The following COMMD10 variants were observed in gnomAD, a reference collection of about 807,000 sequenced individuals.
COMMD10 encodes COMM domain containing 10.
In COMMD10, 33 loss-of-function variants were observed where a neutral mutation model predicts 28.9. The ratio of observed to expected loss-of-function variants is 1.14; its 90% CI spans 0.87 to 1.53. COMMD10 has a LOEUF of 1.53. COMMD10 is among the 40% of genes most tolerant of loss of function. COMMD10 has a pLI of 0.00. For missense variants in COMMD10, 310 were observed against 233.4 expected, an observed-to-expected ratio of 1.33 and a Z score of -2.14; for synonymous variants, 110 against 81.7, an observed-to-expected ratio of 1.35 and a Z score of -1.87.
At position 116,261,147 on chromosome 5, in the gene COMMD10, A is replaced by T. The variant is rs569649182; in HGVS notation, c.511-30370A>T. On this transcript the variant is annotated intron_variant, in intron 5 of 6. Transcript: ENST00000274458. ...AAACTGAGTAAAAACATATTTCAGGAAGAAAACTATAACTAATTAAATTTC... is the reference window on the plus strand; with the variant it reads ...AAACTGAGTAAAAACATATTTCAGGTAGAAAACTATAACTAATTAAATTTC... Among the ~76,000 whole-genome samples the T allele has an allele frequency of 8.9e-4, 135 of 151,938 alleles. 4 individuals carry two copies. Among genetic ancestry groups the T allele is most frequent in the African/African-American group, 3.0e-3 (124 of 41,314 alleles).
At chr5:116,224,798 G>T (rs1749350745) in intron 5 of COMMD10, among the ~76,000 whole-genome samples, 1 of 152,144 alleles carries the variant, frequency 6.6e-6, no homozygotes, top group Non-Finnish European at 1.5e-5. Context: ...TTTGTTGATT[G>T]AATTAATACT....
chr5:116,112,390 A>G (rs2112738550), intron 4 of COMMD10, among the ~76,000 whole-genome samples: 1 of 152,008 alleles, frequency 6.6e-6, no homozygotes, highest in Admixed American at 6.6e-5. Flanking sequence ...TAAATAGCAT[A>G]TAGTTGATTT....
chr5:116,114,571 C>T (rs936308314), intron 4 of COMMD10, among the ~76,000 whole-genome samples: 2 of 152,118 alleles, frequency 1.3e-5, no homozygotes, highest in Non-Finnish European at 2.9e-5. Context: ...AGTCCAGATC[C>T]TGCATTGTGT....
intron 5 of COMMD10, among the ~76,000 whole-genome samples, chr5:116,156,709 G>T (rs1324188939): frequency 6.6e-6 from 1 of 152,066 alleles, no homozygotes; most frequent in South Asian, 2.1e-4. Context: ...ACCCCCTCAA[G>T]TTAGAAGAAG....
intron 5 of COMMD10, among the ~76,000 whole-genome samples, chr5:116,179,434 T>A (rs1747868554): frequency 6.6e-6 from 1 of 152,120 alleles, no homozygotes; most frequent in Non-Finnish European, 1.5e-5. Flanking sequence ...CCTGGTACTC[T>A]TTCCATTCGT....
intron 5 of COMMD10, among the ~76,000 whole-genome samples, chr5:116,283,827 C>T (rs1172367469): frequency 6.6e-6 from 1 of 151,678 alleles, no homozygotes; most frequent in Non-Finnish European, 1.5e-5. Flanking sequence ...TGAAAGAATT[C>T]CTGTTACAAT....
At chr5:116,280,892 C>T (rs1392676424) in intron 5 of COMMD10, among the ~76,000 whole-genome samples, 2 of 151,798 alleles carry the variant, frequency 1.3e-5, no homozygotes, top group African/African-American at 4.9e-5. Context: ...TTCAGTAAGA[C>T]TTGAAATATT....
intron 4 of COMMD10, among the ~76,000 whole-genome samples, chr5:116,127,954 A>G (rs1398669304): frequency 2.6e-5 from 4 of 152,088 alleles, no homozygotes; most frequent in African/African-American, 9.7e-5. Flanking sequence ...GGTGGGAAAC[A>G]TAACAGATTA....
chr5:116,085,411 C>G, intron 1 of COMMD10: 1 of 397,562 alleles, frequency 2.5e-6, no homozygotes, highest in Admixed American at 4.5e-5. Context: ...TTCCCGGGTG[C>G]TGCCTTCAGT....
chr5:116,202,679 G>A (rs1436909312), intron 5 of COMMD10, among the ~76,000 whole-genome samples: 4 of 151,752 alleles, frequency 2.6e-5, no homozygotes, highest in Non-Finnish European at 5.9e-5. Flanking sequence ...CTGCATCAGT[G>A]TCTTCTTTTG....
intron 5 of COMMD10, among the ~76,000 whole-genome samples, chr5:116,214,700 A>G (rs763154942): frequency 1.2e-4 from 19 of 152,112 alleles, no homozygotes; most frequent in Non-Finnish European, 2.2e-4. Flanking sequence ...TTTTTCATTT[A>G]TCTGCGGTTA....
chr5:116,168,046 A>T (rs1341209870), intron 5 of COMMD10, among the ~76,000 whole-genome samples: 1 of 151,802 alleles, frequency 6.6e-6, no homozygotes, highest in Non-Finnish European at 1.5e-5. Context: ...GGTAAATTGG[A>T]TAGAGTCAAG....
At chr5:116,284,215 G>A (rs1751156874) in intron 5 of COMMD10, among the ~76,000 whole-genome samples, 1 of 151,806 alleles carries the variant, frequency 6.6e-6, no homozygotes, top group African/African-American at 2.4e-5. Flanking sequence ...TGCATTATAT[G>A]AAAATATCCT....
chr5:116,235,594 C>T (rs778767942), intron 5 of COMMD10, among the ~76,000 whole-genome samples: 4 of 152,044 alleles, frequency 2.6e-5, no homozygotes, highest in Non-Finnish European at 5.9e-5. Context: ...TATCTGTTTG[C>T]TTTCATATTT....
chr5:116,167,403 C>A (rs1426161970), intron 5 of COMMD10, among the ~76,000 whole-genome samples: 1 of 152,084 alleles, frequency 6.6e-6, no homozygotes, highest in African/African-American at 2.4e-5. Flanking sequence ...AGAATGGAAC[C>A]AAGTTGGAAA....
At chr5:116,251,266 TTTTATTTATTTATTTA>T (rs139799729) in intron 5 of COMMD10, among the ~76,000 whole-genome samples, 24 of 138,172 alleles carry the variant, frequency 1.7e-4, no homozygotes, top group Admixed American at 4.9e-4. Context: ...ACTCTTTTCT[TTTTATTTATTTATTTA>T]TTTATTTATT....
intron 5 of COMMD10, among the ~76,000 whole-genome samples, chr5:116,273,133 A>G (rs1034217192): frequency 6.6e-6 from 1 of 151,862 alleles, no homozygotes; most frequent in African/African-American, 2.4e-5. Flanking sequence ...GATAGGGGCT[A>G]TTTTTAAATG....
intron 5 of COMMD10, among the ~76,000 whole-genome samples, chr5:116,171,317 G>A (rs1053140840): frequency 6.6e-6 from 1 of 152,172 alleles, no homozygotes; most frequent in Admixed American, 6.5e-5. Context: ...TCATTAAAAA[G>A]TCAGGAAACA....
At chr5:116,130,580 A>G (rs771579079) in intron 4 of COMMD10, among the ~76,000 whole-genome samples, 3 of 151,940 alleles carry the variant, frequency 2.0e-5, no homozygotes, top group African/African-American at 4.8e-5. Context: ...ATTTGATGCA[A>G]TTATCCAAAA....
Sources: gnomAD v4.1 joint callset for allele counts (sites outside exome capture counted in the v4.1 genomes callset) on GRCh38, gnomAD v4.1.1 for gene constraint, MANE v1.5 for transcripts, NCBI Gene and HGNC (gene_info 2026-07-23, HGNC 2026-07-21) for gene names.